The following PTPRN2 variants were observed in gnomAD, a reference collection of about 807,000 sequenced individuals.
PTPRN2 encodes the protein receptor-type tyrosine-protein phosphatase N2.
In PTPRN2, 74 loss-of-function variants were observed where a neutral mutation model predicts 118.8. That is an observed-to-expected ratio of 0.62 (90% CI 0.52 to 0.76). PTPRN2 has a LOEUF of 0.76. Among genes scored for constraint, PTPRN2 ranks in the 30% least tolerant of loss-of-function variants. PTPRN2 has a pLI of 0.00. For synonymous variants in PTPRN2, 641 were observed against 608.0 expected (o/e 1.05, Z -0.80); for missense variants, 1,481 against 1,394.4 (o/e 1.06, Z -0.99).
intron 22 of PTPRN2, among the ~76,000 whole-genome samples, chr7:157,544,481 G>A (rs1224155209): frequency 6.6e-6 from 1 of 152,220 alleles, no homozygotes; most frequent in East Asian, 1.9e-4. Flanking sequence ...GATGTGAGAC[G>A]GCAGGTTGGG....
chr7:157,725,941 G>A (rs1185540197), intron 12 of PTPRN2, among the ~76,000 whole-genome samples: 46 of 87,474 alleles, frequency 5.3e-4, no homozygotes, highest in African/African-American at 2.0e-3. Flanking sequence ...CCAGACCCTC[G>A]CCTCCCAGGA....
At chr7:158,033,818 T>C (rs1246370945) in intron 11 of PTPRN2, among the ~76,000 whole-genome samples, 1 of 147,394 alleles carries the variant, frequency 6.8e-6, no homozygotes, top group Non-Finnish European at 1.5e-5. Flanking sequence ...CGCTGAGACC[T>C]CGATAGAAAC....
At chr7:157,851,376 C>T (rs12533414) in intron 12 of PTPRN2, among the ~76,000 whole-genome samples, 25,005 of 151,304 alleles carry the variant, frequency 0.17, 2,227 homozygotes, top group East Asian at 0.28. Flanking sequence ...AATAAAAATG[C>T]GCTTTCTTTA....
At chr7:157,682,968 C>T (rs768250811) in intron 12 of PTPRN2, 31 bp from the exon 13 acceptor site, 7 of 1,544,512 alleles carry the variant, frequency 4.5e-6, no homozygotes, top group South Asian at 4.5e-5. Context: ...GGTGTGTTAG[C>T]TCCTGACAAA....
chr7:158,012,612 T>G (rs1806132633), intron 11 of PTPRN2, among the ~76,000 whole-genome samples: 1 of 152,212 alleles, frequency 6.6e-6, no homozygotes, highest in Non-Finnish European at 1.5e-5. Context: ...GTACATTTGT[T>G]TCTCATATAA....
intron 11 of PTPRN2, among the ~76,000 whole-genome samples, chr7:158,046,998 G>A (rs1301085236): frequency 6.6e-6 from 1 of 152,186 alleles, no homozygotes; most frequent in Non-Finnish European, 1.5e-5. Context: ...CACAAGGGAG[G>A]CGAGCGGCTG....
chr7:157,995,128 T>C (rs1157533424), intron 11 of PTPRN2, among the ~76,000 whole-genome samples: 63 of 120,494 alleles, frequency 5.2e-4, no homozygotes, highest in Middle Eastern at 5.7e-3. Flanking sequence ...AAATCAACGC[T>C]GCGTCCCCAG....
At position 158,208,972 on chromosome 7, in the gene PTPRN2, T is replaced by C. The variant is rs149020153; in HGVS notation, c.278-3699A>G. Among the ~76,000 whole-genome samples, 291 of 152,250 alleles carry C rather than the reference T, an allele frequency of 1.9e-3. 1 individual carries two copies. The highest frequency in any genetic ancestry group is 6.7e-3 in the African/African-American group (279 of 41,560). On this transcript the variant is annotated intron_variant, in intron 3 of 22. Transcript: ENST00000389418. ...GTTTGCTTATGTAATCAATGTTAAG[T>C]TGTCATCCGTTTAAAATAATGGGTT... is the stretch of plus-strand genomic sequence containing the variant.
chr7:157,974,345 G>A lies in PTPRN2; in HGVS notation c.1724-75608C>T, dbSNP rs926022580. ...TCCACGGGGCTCCTCCCCAGCTCAC[G>A]GGGAAATCCCCTTTAATTTCAAACA... On this transcript the variant is annotated intron_variant, in intron 11 of 22. Transcript: ENST00000389418. This position sits in a 1 kb window ranked among gnomAD's most constrained non-coding sequence, Gnocchi z 4.0. Among the ~76,000 whole-genome samples the A allele has an allele frequency of 2.6e-5, 4 of 152,282 alleles. No homozygotes were observed. The highest frequency in any genetic ancestry group is 1.9e-4 in the East Asian group (1 of 5,178).
chr7:157,548,669 C>G (rs540715367), intron 22 of PTPRN2, among the ~76,000 whole-genome samples: 2 of 152,256 alleles, frequency 1.3e-5, no homozygotes, highest in East Asian at 3.9e-4. Flanking sequence ...GTTCTCCCCC[C>G]ACCCCCAAAT....
chr7:158,504,697 CCT>C (rs1192955494), intron 1 of PTPRN2, among the ~76,000 whole-genome samples: 5 of 152,154 alleles, frequency 3.3e-5, no homozygotes, highest in Non-Finnish European at 5.9e-5. Context: ...TGAACAATTC[CCT>C]GTCCTTAGTA....
At chr7:158,074,608 C>T (rs748170458) in intron 11 of PTPRN2, among the ~76,000 whole-genome samples, 14 of 152,308 alleles carry the variant, frequency 9.2e-5, no homozygotes, top group South Asian at 2.1e-4. Flanking sequence ...TCGCAGTAGA[C>T]GTGCCGACGT....
At chr7:158,016,913 C>A (rs1295301058) in intron 11 of PTPRN2, among the ~76,000 whole-genome samples, 4 of 152,194 alleles carry the variant, frequency 2.6e-5, no homozygotes, top group African/African-American at 9.7e-5. Flanking sequence ...CCGGGCTTCA[C>A]CACCTACAGT....
chr7:157,908,106 G>A (rs973417500), intron 11 of PTPRN2, among the ~76,000 whole-genome samples: 1 of 152,340 alleles, frequency 6.6e-6, no homozygotes, highest in East Asian at 1.9e-4. Context: ...ACATGGGACC[G>A]GCCGGCGTCT....
intron 2 of PTPRN2, among the ~76,000 whole-genome samples, chr7:158,446,560 C>T (rs1237441510): frequency 1.3e-5 from 2 of 151,964 alleles, no homozygotes; most frequent in South Asian, 2.1e-4. Flanking sequence ...GGGCCACAGC[C>T]GCCCCCGGCG....
intron 3 of PTPRN2, among the ~76,000 whole-genome samples, chr7:158,255,965 G>C (rs1489611975): frequency 6.6e-6 from 1 of 152,184 alleles, no homozygotes; most frequent in Non-Finnish European, 1.5e-5. Context: ...TCTGTCCTCA[G>C]ACTTAGATGC....
At position 158,093,147 on chromosome 7, in the gene PTPRN2, G is replaced by A. The variant is rs1350807863; in HGVS notation, c.1644-11770C>T. 1.3e-5 allele frequency among the ~76,000 whole-genome samples: 2 copies of A among 151,242 alleles called. No homozygotes were observed. Among genetic ancestry groups the A allele is most frequent in the African/African-American group, 4.9e-5 (2 of 40,690 alleles). ...ACCTCTGTCCTTTCCTGACTCTGCC[G>A]CTGGACCGACCCCCACACCATAGAC... On this transcript the variant is annotated intron_variant, in intron 10 of 22. Transcript: ENST00000389418. The surrounding 1 kb of genome is among the most constrained non-coding windows in gnomAD (Gnocchi z 4.4).
chr7:158,367,320 T>C lies in PTPRN2; in HGVS notation c.164-50388A>G, dbSNP rs535594303. 2.6e-5 allele frequency among the ~76,000 whole-genome samples: 4 copies of C among 152,338 alleles called. No individual in the cohort carries two copies. The South Asian group carries it at 8.3e-4, about 32-fold the overall frequency. ...TCCCCATGTGGCCATGAGCCCCCGA[T>C]TCTCCAAGTCCTGTGTTCTCACCTG... is the stretch of plus-strand genomic sequence containing the variant. On this transcript the variant is annotated intron_variant, in intron 2 of 22. Transcript: ENST00000389418.
chr7:157,663,486 C>T (rs540403810), intron 13 of PTPRN2, among the ~76,000 whole-genome samples: 90 of 152,322 alleles, frequency 5.9e-4, no homozygotes, highest in African/African-American at 1.8e-3. Flanking sequence ...TCACGGGGAA[C>T]GGGGTCGGGC....
Sources: gnomAD v4.1 joint callset for allele counts (sites outside exome capture counted in the v4.1 genomes callset) on GRCh38, gnomAD v4.1.1 for gene constraint, Gnocchi (gnomAD v3.1) non-coding constraint, MANE v1.5 for transcripts, NCBI Gene and HGNC (gene_info 2026-07-23, HGNC 2026-07-21) for gene names.